EIPR1: variants seen among roughly 807,000 people sequenced by gnomAD.
The protein encoded by EIPR1 is EARP and GARP complex-interacting protein 1.
In EIPR1, 25 loss-of-function variants were observed where a neutral mutation model predicts 48.1. That is an observed-to-expected ratio of 0.52 (90% CI 0.38 to 0.73). The LOEUF (loss-of-function observed/expected upper bound fraction) is 0.73. EIPR1 is among the 30% of genes least tolerant of loss of function. The pLI is 0.00. For missense variants in EIPR1, 415 were observed against 506.2 expected (o/e 0.82, Z 1.73); for synonymous variants, 204 against 201.9 (o/e 1.01, Z -0.09).
intron 5 of EIPR1, among the ~76,000 whole-genome samples, chr2:3,202,109 T>G (rs888445365): frequency 2.6e-5 from 4 of 152,086 alleles, no homozygotes; most frequent in Non-Finnish European, 5.9e-5. Context: ...GGCTAATTTT[T>G]TGTATTTTTA....
At chr2:3,350,987 T>G (rs1402928626) in intron 2 of EIPR1, among the ~76,000 whole-genome samples, 2 of 149,934 alleles carry the variant, frequency 1.3e-5, no homozygotes, top group African/African-American at 4.9e-5. Context: ...TTAAAACACT[T>G]TCTGTCATTT....
chr2:3,318,122 C>T (rs972005913), intron 3 of EIPR1, among the ~76,000 whole-genome samples: 2 of 152,250 alleles, frequency 1.3e-5, no homozygotes, highest in African/African-American at 4.8e-5. Context: ...CAAGTGGAAC[C>T]GCTGCCATGT....
At chr2:3,376,964 T>A (rs1227892505) in intron 1 of EIPR1, among the ~76,000 whole-genome samples, 2 of 152,344 alleles carry the variant, frequency 1.3e-5, no homozygotes, top group Admixed American at 1.3e-4. Flanking sequence ...CCACGGCAGC[T>A]TTCTTGCTGT....
intron 1 of EIPR1, among the ~76,000 whole-genome samples, chr2:3,360,573 T>TA (rs764881717): frequency 9.2e-5 from 14 of 152,092 alleles, no homozygotes; most frequent in Non-Finnish European, 1.9e-4. Context: ...TACAACTACT[T>TA]AGAGTAGGTA....
intron 3 of EIPR1, among the ~76,000 whole-genome samples, chr2:3,311,701 G>A (rs191807595): frequency 2.6e-5 from 4 of 151,814 alleles, no homozygotes; most frequent in Non-Finnish European, 2.9e-5. Flanking sequence ...GTCACAGGGC[G>A]CCAGGGGCCT....
intron 5 of EIPR1, among the ~76,000 whole-genome samples, chr2:3,209,506 C>A (rs1289567728): frequency 6.6e-6 from 1 of 152,226 alleles, no homozygotes; most frequent in Non-Finnish European, 1.5e-5. Flanking sequence ...AAAGTGGACC[C>A]TGACGTCACT....
At chr2:3,239,660 C>T (rs1218588853) in intron 4 of EIPR1, among the ~76,000 whole-genome samples, 1 of 152,016 alleles carries the variant, frequency 6.6e-6, no homozygotes, top group African/African-American at 2.4e-5. Flanking sequence ...GCCCTGCCCT[C>T]AGCACGGTGC....
chr2:3,353,722 T>G (rs989249653), intron 2 of EIPR1, among the ~76,000 whole-genome samples: 4 of 152,220 alleles, frequency 2.6e-5, no homozygotes, highest in Non-Finnish European at 5.9e-5. Flanking sequence ...TAAGGATGTA[T>G]CACTGAACTA....
intron 4 of EIPR1, among the ~76,000 whole-genome samples, chr2:3,226,420 T>C (rs1354155931): frequency 2.6e-5 from 4 of 152,250 alleles, no homozygotes; most frequent in Non-Finnish European, 5.9e-5. Flanking sequence ...GTATGTCTTC[T>C]TTAGAAAAAT....
intron 3 of EIPR1, among the ~76,000 whole-genome samples, chr2:3,310,245 C>T (rs1207619148): frequency 6.6e-6 from 1 of 152,116 alleles, no homozygotes; most frequent in African/African-American, 2.4e-5. Flanking sequence ...CTGAAGACGA[C>T]AAATGGTTTC....
At chr2:3,358,527 G>A (rs1049865960) in intron 1 of EIPR1, among the ~76,000 whole-genome samples, 3 of 152,106 alleles carry the variant, frequency 2.0e-5, no homozygotes, top group Non-Finnish European at 4.4e-5. Flanking sequence ...ACATTTAAGG[G>A]TCCCACTGTC....
chr2:3,357,284 C>A (rs1670752226), intron 1 of EIPR1, among the ~76,000 whole-genome samples: 1 of 152,212 alleles, frequency 6.6e-6, no homozygotes, highest in Non-Finnish European at 1.5e-5. Context: ...TTGTCCAGTT[C>A]TTTGCTCAAG....
intron 1 of EIPR1, among the ~76,000 whole-genome samples, chr2:3,374,386 C>A (rs62120463): frequency 0.15 from 22,906 of 148,820 alleles, 1,990 homozygotes; most frequent in Non-Finnish European, 0.2. Context: ...AATGGGATCT[C>A]ATTAAACTAA....
At chr2:3,205,347 TACAA>T (rs1344842271) in intron 5 of EIPR1, among the ~76,000 whole-genome samples, 5 of 152,320 alleles carry the variant, frequency 3.3e-5, no homozygotes, top group East Asian at 1.9e-4. Context: ...AGGCCTTCCT[TACAA>T]ACAGAGATGC....
At chr2:3,326,664 C>T (rs1669708083) in intron 3 of EIPR1, among the ~76,000 whole-genome samples, 1 of 152,180 alleles carries the variant, frequency 6.6e-6, no homozygotes, top group Non-Finnish European at 1.5e-5. Context: ...CCGCGTCACA[C>T]ACATTTCACT....
intron 3 of EIPR1, among the ~76,000 whole-genome samples, chr2:3,336,855 GAAGGGAAGGGAA>G: frequency 7.9e-6 from 1 of 127,146 alleles, no homozygotes; most frequent in African/African-American, 3.1e-5. Flanking sequence ...AGGGAAAAGG[GAAGGGAAGGGAA>G]AAGGGAAGGG....
At chr2:3,288,435 G>A (rs34389856) in intron 3 of EIPR1, among the ~76,000 whole-genome samples, 4,210 of 152,284 alleles carry the variant, frequency 0.028, 62 homozygotes, top group Non-Finnish European at 0.041. Context: ...TGAGTCTCAC[G>A]TGGCTGGGGC....
intron 4 of EIPR1, 138 bp downstream of exon 4, chr2:3,257,161 C>A: frequency 9.3e-7 from 1 of 1,080,728 alleles, no homozygotes; most frequent in South Asian, 2.0e-5. Flanking sequence ...AATTAAAAAT[C>A]AAATTCTCGC....
intron 3 of EIPR1, among the ~76,000 whole-genome samples, chr2:3,302,536 T>G (rs376698797): frequency 5.3e-5 from 8 of 152,370 alleles, no homozygotes; most frequent in Admixed American, 2.0e-4. Context: ...CTCCTTCTGC[T>G]GCTGGGCTTT....
Sources: gnomAD v4.1 joint callset for allele counts (sites outside exome capture counted in the v4.1 genomes callset) on GRCh38, gnomAD v4.1.1 for gene constraint, MANE v1.5 for transcripts, NCBI Gene and HGNC (gene_info 2026-07-23, HGNC 2026-07-21) for gene names.